KLHL32: variants seen among roughly 807,000 people sequenced by gnomAD.
KLHL32 encodes kelch-like protein 32.
KLHL32 carries 35 observed loss-of-function variants against 64.8 expected under a neutral mutation model. The observed-to-expected ratio is 0.54, with a 90% confidence interval of 0.41 to 0.72. The LOEUF (loss-of-function observed/expected upper bound fraction) is 0.72. Among genes scored for constraint, KLHL32 ranks in the 30% least tolerant of loss-of-function variants. The pLI is 0.00. For synonymous variants in KLHL32, 259 were observed against 281.0 expected, an observed-to-expected ratio of 0.92 and a Z score of 0.78; for missense variants, 589 against 768.5, an observed-to-expected ratio of 0.77 and a Z score of 2.76.
intron 6 of KLHL32, among the ~76,000 whole-genome samples, chr6:97,087,400 G>A (rs1223052292): frequency 6.6e-6 from 1 of 152,216 alleles, no homozygotes; most frequent in Non-Finnish European, 1.5e-5. Context: ...CAGAGGATTA[G>A]TGTCAGGGTG....
At chr6:96,958,425 G>T (rs1232486112) in intron 1 of KLHL32, among the ~76,000 whole-genome samples, 1 of 151,990 alleles carries the variant, frequency 6.6e-6, no homozygotes, top group Non-Finnish European at 1.5e-5. Flanking sequence ...AAAAAGGAGG[G>T]GTAGAAAGTT....
chr6:96,928,530 G>C (rs1409887969), intron 1 of KLHL32, among the ~76,000 whole-genome samples: 1 of 152,134 alleles, frequency 6.6e-6, no homozygotes, highest in Admixed American at 6.5e-5. Flanking sequence ...GGAGAATGTA[G>C]TACTGATTCT....
chr6:96,930,795 T>C (rs770129607), intron 1 of KLHL32, among the ~76,000 whole-genome samples: 7 of 152,092 alleles, frequency 4.6e-5, no homozygotes, highest in East Asian at 1.9e-4. Context: ...TTCCCTCTTT[T>C]ATGCAGCTCC....
intron 3 of KLHL32, among the ~76,000 whole-genome samples, chr6:97,009,616 T>C (rs902357457): frequency 2.0e-5 from 3 of 152,220 alleles, no homozygotes; most frequent in Non-Finnish European, 4.4e-5. Context: ...TTGTTGTTGT[T>C]GTTACATACG....
intron 1 of KLHL32, among the ~76,000 whole-genome samples, chr6:96,935,400 C>T (rs917828167): frequency 6.6e-6 from 1 of 152,130 alleles, no homozygotes; most frequent in Admixed American, 6.6e-5. Context: ...ATTGAGTTAC[C>T]TTTTCCCCCC....
At chr6:96,969,952 T>C (rs927860035) in intron 2 of KLHL32, among the ~76,000 whole-genome samples, 1 of 152,234 alleles carries the variant, frequency 6.6e-6, no homozygotes, top group African/African-American at 2.4e-5. Context: ...ACAATTCTGA[T>C]TCTCTTTCAT....
upstream of KLHL32, among the ~76,000 whole-genome samples, chr6:96,922,765 G>C (rs1768791389): frequency 6.6e-6 from 1 of 152,176 alleles, no homozygotes. Context: ...ACACCTAGTT[G>C]CTCCTCTAGG....
At chr6:97,119,243 C>G (rs1798117156) in intron 7 of KLHL32, among the ~76,000 whole-genome samples, 1 of 152,174 alleles carries the variant, frequency 6.6e-6, no homozygotes, top group Non-Finnish European at 1.5e-5. Flanking sequence ...TCTCAGCCCT[C>G]TCTATCCCCT....
At chr6:96,989,573 C>A (rs571606954) in intron 3 of KLHL32, among the ~76,000 whole-genome samples, 1 of 152,014 alleles carries the variant, frequency 6.6e-6, no homozygotes, top group Non-Finnish European at 1.5e-5. Context: ...GACAACTGTG[C>A]GTCTTGGGGA....
intron 3 of KLHL32, among the ~76,000 whole-genome samples, chr6:96,987,258 A>T (rs998555385): frequency 3.3e-5 from 5 of 151,880 alleles, no homozygotes; most frequent in African/African-American, 1.2e-4. Flanking sequence ...CTAGCTTTTG[A>T]ATGTGTTTGC....
intron 1 of KLHL32, among the ~76,000 whole-genome samples, chr6:96,942,329 T>G (rs755857494): frequency 6.6e-6 from 1 of 152,146 alleles, no homozygotes; most frequent in South Asian, 2.1e-4. Flanking sequence ...CCAACATGCT[T>G]CTTCACCTCA....
At chr6:97,042,680 C>T (rs188171504) in intron 4 of KLHL32, among the ~76,000 whole-genome samples, 6 of 152,246 alleles carry the variant, frequency 3.9e-5, no homozygotes, top group Admixed American at 2.6e-4. Flanking sequence ...TTGAACTATA[C>T]AATGCATTAT....
At chr6:97,054,133 G>A (rs750752489) in intron 4 of KLHL32, among the ~76,000 whole-genome samples, 3 of 152,016 alleles carry the variant, frequency 2.0e-5, no homozygotes, top group African/African-American at 4.8e-5. Flanking sequence ...TGGTCAAATT[G>A]TAATTAATAT....
intron 4 of KLHL32, among the ~76,000 whole-genome samples, chr6:97,057,474 G>T (rs1201457360): frequency 1.1e-5 from 1 of 89,070 alleles, no homozygotes; most frequent in Non-Finnish European, 2.0e-5. Flanking sequence ...GAGCCACCGC[G>T]CCCGGCCGAG....
rs539634725 is a variant in KLHL32, at chr6:96,977,064, G to A, written c.204+887G>A. On this transcript the variant is annotated intron_variant, in intron 3 of 10. Transcript: ENST00000369261. ...GCAAATTACATGTGGTAATAAGATT[G>A]CTGTTTTTCTTGAAGATGAAAGTAC... Among the ~76,000 whole-genome samples, 4 of 152,278 alleles carry A rather than the reference G, an allele frequency of 2.6e-5. No individual in the cohort carries two copies. In the South Asian group the frequency reaches 8.3e-4, roughly 32 times the overall value.
At chr6:97,050,407 A>C (rs1786684862) in intron 4 of KLHL32, among the ~76,000 whole-genome samples, 1 of 152,098 alleles carries the variant, frequency 6.6e-6, no homozygotes. Flanking sequence ...AGGTGCAAAA[A>C]TGGCTTGAGA....
chr6:96,997,712 G>T (rs1303409483), intron 3 of KLHL32, among the ~76,000 whole-genome samples: 1 of 151,932 alleles, frequency 6.6e-6, no homozygotes, highest in Non-Finnish European at 1.5e-5. Flanking sequence ...GCACAGGAGT[G>T]CACAAAATAC....
chr6:96,984,920 C>G (rs13204275), intron 3 of KLHL32, among the ~76,000 whole-genome samples: 4,716 of 151,892 alleles, frequency 0.031, 102 homozygotes, highest in South Asian at 0.059. Flanking sequence ...TCATTATGAT[C>G]TTAGCTGGTT....
intron 3 of KLHL32, among the ~76,000 whole-genome samples, chr6:96,986,648 C>T (rs911159625): frequency 2.6e-5 from 4 of 152,174 alleles, no homozygotes; most frequent in African/African-American, 7.2e-5. Context: ...AGCGAGGCTT[C>T]GTGGGTGTAG....
Sources: gnomAD v4.1 joint callset for allele counts (sites outside exome capture counted in the v4.1 genomes callset) on GRCh38, gnomAD v4.1.1 for gene constraint, MANE v1.5 for transcripts, NCBI Gene and HGNC (gene_info 2026-07-23, HGNC 2026-07-21) for gene names.